The following FRK variants were observed in gnomAD, a reference collection of about 807,000 sequenced individuals.
FRK encodes the protein tyrosine-protein kinase FRK.
In FRK, 51 loss-of-function variants were observed where a neutral mutation model predicts 56.4. The ratio of observed to expected loss-of-function variants is 0.90; its 90% confidence interval spans 0.72 to 1.14. FRK has a LOEUF of 1.14. Ranked by LOEUF, FRK falls within the 50% of genes most tolerant of loss-of-function variation. The probability of loss-of-function intolerance (pLI) is 0.00; values close to 1 mark genes in which losing one functional copy is unlikely to be tolerated. For missense variants in FRK, 570 were observed against 601.4 expected, an observed-to-expected ratio of 0.95 and a Z score of 0.55; for synonymous variants, 245 against 217.9, an observed-to-expected ratio of 1.12 and a Z score of -1.10.
intron 7 of FRK, 133 bp downstream of exon 7, chr6:115,942,887 A>G (rs1055292712): frequency 2.3e-6 from 2 of 871,152 alleles, no homozygotes; most frequent in African/African-American, 3.4e-5. Context: ...ATCAAATTTT[A>G]TCTATCAAGC....
the FRK span, among the ~76,000 whole-genome samples, chr6:116,071,145 A>G: frequency 6.6e-6 from 1 of 152,144 alleles, no homozygotes; most frequent in Admixed American, 6.6e-5. Context: ...ATCAAAGTAA[A>G]CATGGTCAGT....
At chr6:116,054,773 G>A (rs1777327464) in intron 1 of FRK, among the ~76,000 whole-genome samples, 1 of 151,604 alleles carries the variant, frequency 6.6e-6, no homozygotes, top group African/African-American at 2.4e-5. Flanking sequence ...TCTAGATAAA[G>A]AACAATTGTG....
In FRK at chr6:115,973,981, T is replaced by C. The variant is rs75830700; in HGVS notation, c.467-5242A>G. Among the ~76,000 whole-genome samples the C allele has an allele frequency of 1.2e-3, 177 of 152,226 alleles. 4 individuals carry two copies. In the East Asian group the frequency reaches 0.023, roughly 20 times the overall value. On this transcript the variant is annotated intron_variant, in intron 2 of 7. Transcript: ENST00000606080. Reference sequence around the variant, plus strand: ...TAAAAATATAAGAAGTAGAAGGATATCTAAATATAAAATATACTTGCTATT... The same window carrying C: ...TAAAAATATAAGAAGTAGAAGGATACCTAAATATAAAATATACTTGCTATT...
upstream of FRK, among the ~76,000 whole-genome samples, chr6:116,063,549 G>A (rs944157954): frequency 2.0e-5 from 3 of 152,040 alleles, no homozygotes; most frequent in Non-Finnish European, 2.9e-5. Flanking sequence ...GGTGGTTACC[G>A]GAAGCTGGGG....
rs1195269254 is a variant in FRK, at chr6:115,936,995, G to A, written c.*5419C>T. 3 of 152,096 alleles carry A rather than the reference G, an allele frequency of 2.0e-5. No individual in the cohort carries two copies. Among genetic ancestry groups the A allele is most frequent in the Non-Finnish European group, 2.9e-5 (2 of 68,032 alleles). 9.4% of individuals were successfully genotyped at this position (152,096 alleles called of 1,614,324 possible). On this transcript the variant is annotated 3_prime_UTR_variant, in exon 8 of 8. Coordinates refer to ENST00000606080, the MANE Select transcript of FRK (RefSeq NM_002031.3). The stretch of plus-strand genomic sequence containing the variant: ...AGAGAACGCCACAAAGATACTCCTC[G>A]AGCAGAGCAACCCCAAGACATATAA...
chr6:115,963,081 A>AT (rs1773446316), intron 4 of FRK, among the ~76,000 whole-genome samples: 1 of 57,314 alleles, frequency 1.7e-5, no homozygotes, highest in Non-Finnish European at 3.6e-5. Flanking sequence ...ACACAAAAAA[A>AT]CCTTCAAAAA....
chr6:116,044,768 C>T (rs1776869886), intron 1 of FRK, among the ~76,000 whole-genome samples: 1 of 152,122 alleles, frequency 6.6e-6, no homozygotes, highest in African/African-American at 2.4e-5. Context: ...AAAGAGTATT[C>T]AAATAGGAAG....
Position 116,046,568 on chromosome 6 carries a change from G to T in FRK, c.344+13400C>A, listed in dbSNP as rs533071597. Among the ~76,000 whole-genome samples the T allele has an allele frequency of 5.3e-5, 8 of 152,252 alleles. No homozygotes were observed. In the South Asian group the frequency reaches 1.7e-3, roughly 32 times the overall value. Reference sequence around the variant, plus strand: ...ACACTGCATGTTCTCACTCAAAAGTGGGAATTGAACAATGAGAACATGTGG... The same window carrying T: ...ACACTGCATGTTCTCACTCAAAAGTTGGAATTGAACAATGAGAACATGTGG... On this transcript the variant is annotated intron_variant, in intron 1 of 7. Transcript: ENST00000606080.
chr6:116,081,911 G>C, the FRK span, among the ~76,000 whole-genome samples: 2 of 152,064 alleles, frequency 1.3e-5, no homozygotes, highest in African/African-American at 4.8e-5. Context: ...TATAGTGGGA[G>C]GGGAGAGAAT....
chr6:116,004,548 A>C (rs1449916181), intron 1 of FRK, among the ~76,000 whole-genome samples: 1 of 152,194 alleles, frequency 6.6e-6, no homozygotes, highest in Non-Finnish European at 1.5e-5. Context: ...ATTATTTTGC[A>C]TATCTAGGAG....
intron 2 of FRK, among the ~76,000 whole-genome samples, chr6:116,000,953 G>A (rs1005117555): frequency 1.3e-5 from 2 of 152,176 alleles, no homozygotes; most frequent in African/African-American, 4.8e-5. Context: ...GAAATATGGA[G>A]CTTGGGCCGG....
intron 1 of FRK, among the ~76,000 whole-genome samples, chr6:116,024,056 TTACAC>T (rs1463441127): frequency 1.3e-4 from 9 of 69,944 alleles, no homozygotes; most frequent in Non-Finnish European, 1.7e-4. Context: ...TCCTGAGAAC[TTACAC>T]ACACACACAC....
chr6:116,071,762 G>A, the FRK span, among the ~76,000 whole-genome samples: 1 of 152,100 alleles, frequency 6.6e-6, no homozygotes, highest in Non-Finnish European at 1.5e-5. Context: ...CAGGCACTAG[G>A]CTAGTGCTTG....
chr6:115,958,697 AAAGAAAG>A (rs1562257349), intron 4 of FRK, among the ~76,000 whole-genome samples: 165 of 5,422 alleles, frequency 0.03, 27 homozygotes, highest in Non-Finnish European at 0.041. Context: ...AGAAAGAAAG[AAAGAAAG>A]AAGAAAGAAA....
At position 115,942,512 on chromosome 6, in the gene FRK, G is replaced by A. The variant is rs972651315; in HGVS notation, c.1420C>T (p.Pro474Ser). 1 of 1,613,582 alleles carries A rather than the reference G, an allele frequency of 6.2e-7. No individual in the cohort carries two copies. Among genetic ancestry groups the A allele is most frequent in the African/African-American group, 1.3e-5 (1 of 74,848 alleles). ...GTCTCAAATGTAGGTCGTTCCTTAG[G>A]CTCTGCATTCCAGCACTCCAACATG... ...NIMLECWNAE[P>S]KERPTFETLR... Residue 474 changes from proline to serine, a missense_variant, in exon 8 of 8, where the codon CCT (proline) becomes TCT (serine). Physicochemically the swap from Pro to Ser is moderately conservative, Grantham distance 74. Transcript: ENST00000606080.
chr6:115,977,511 T>C (rs1425331285), intron 2 of FRK, among the ~76,000 whole-genome samples: 1 of 152,146 alleles, frequency 6.6e-6, no homozygotes. Context: ...CTGAATTAGA[T>C]CATGATCCAT....
intron 1 of FRK, among the ~76,000 whole-genome samples, chr6:116,028,763 GTC>G (rs1776192617): frequency 6.6e-6 from 1 of 152,080 alleles, no homozygotes; most frequent in Non-Finnish European, 1.5e-5. Context: ...GATCTGCAAT[GTC>G]TCTATTCCAA....
chr6:115,973,565 ATT>A (rs113714759), intron 2 of FRK, among the ~76,000 whole-genome samples: 8 of 152,046 alleles, frequency 5.3e-5, no homozygotes, highest in African/African-American at 1.7e-4. Flanking sequence ...ATGTTTAAAA[ATT>A]TTTAAAAAAA....
chr6:116,074,047 C>G, the FRK span, among the ~76,000 whole-genome samples: 1 of 145,862 alleles, frequency 6.9e-6, no homozygotes, highest in Non-Finnish European at 1.5e-5. Flanking sequence ...TGCAGACGCT[C>G]TTTCTATCTT....
Sources: gnomAD v4.1 joint callset for allele counts (sites outside exome capture counted in the v4.1 genomes callset) on GRCh38, gnomAD v4.1.1 for gene constraint, MANE v1.5 for transcripts, NCBI Gene and HGNC (gene_info 2026-07-23, HGNC 2026-07-21) for gene names.